RBFOX1: variants seen among roughly 807,000 people sequenced by gnomAD.
The protein encoded by RBFOX1 is RNA binding protein fox-1 homolog 1.
RBFOX1 carries 8 observed loss-of-function variants against 57.7 expected under a neutral mutation model. That is an observed-to-expected ratio of 0.14 (90% CI 0.08 to 0.25). The LOEUF is 0.25. RBFOX1 is among the 10% of genes least tolerant of loss of function. The pLI, the probability that RBFOX1 is intolerant of heterozygous loss-of-function variation, is 1.00. For missense variants in RBFOX1, 611 were observed against 548.5 expected (o/e 1.11, Z -1.14); for synonymous variants, 326 against 222.4 (o/e 1.47, Z -4.15).
intron 3 of RBFOX1, among the ~76,000 whole-genome samples, chr16:6,835,879 C>T (rs529041304): frequency 6.6e-6 from 1 of 152,088 alleles, no homozygotes; most frequent in South Asian, 2.1e-4. Flanking sequence ...CTAGGTGGCT[C>T]CACCTTTATG....
At chr16:7,142,829 A>G (rs889089943) in intron 4 of RBFOX1, among the ~76,000 whole-genome samples, 2 of 152,192 alleles carry the variant, frequency 1.3e-5, no homozygotes, top group Admixed American at 1.3e-4. Flanking sequence ...TGAAAGATAG[A>G]AAGAAAATGG....
intron 4 of RBFOX1, among the ~76,000 whole-genome samples, chr16:7,504,456 CT>C (rs1377166593): frequency 6.6e-6 from 1 of 151,462 alleles, no homozygotes; most frequent in Admixed American, 6.6e-5. Context: ...TACTAAAAGA[CT>C]TTGTCAGAAT....
intron 4 of RBFOX1, among the ~76,000 whole-genome samples, chr16:7,185,936 C>G (rs1005275281): frequency 1.3e-5 from 2 of 152,154 alleles, no homozygotes; most frequent in Non-Finnish European, 2.9e-5. Flanking sequence ...CTTCCTGACC[C>G]TTTCTCCCCG....
chr16:6,494,848 C>T (rs771104669), intron 2 of RBFOX1, among the ~76,000 whole-genome samples: 2 of 152,168 alleles, frequency 1.3e-5, no homozygotes, highest in Non-Finnish European at 2.9e-5. Context: ...ATAAACACGG[C>T]ACTAAATGCA....
intron 3 of RBFOX1, among the ~76,000 whole-genome samples, chr16:5,655,297 G>T (rs1033275059): frequency 6.6e-6 from 1 of 152,168 alleles, no homozygotes; most frequent in Non-Finnish European, 1.5e-5. Context: ...GTGTGGACTT[G>T]ATAGTTTTCA....
At position 7,711,620 on chromosome 16, in the gene RBFOX1, A is replaced by C. The variant is rs1023114730; in HGVS notation, c.*875A>C. 6.6e-6 allele frequency: 1 copy of C among 152,626 alleles called. No individual in the cohort carries two copies. The highest frequency in any genetic ancestry group is 1.9e-4 in the East Asian group (1 of 5,202). 9.5% of individuals were successfully genotyped at this position (152,626 alleles called of 1,614,324 possible). A position where few individuals can be genotyped will look rare whatever the true frequency, so the allele number is the denominator to read the frequency against. On this transcript the variant is annotated 3_prime_UTR_variant, in exon 16 of 16. Transcript: ENST00000550418. ...CTATTTTTTTCTTTTTTTCCAAAAA[A>C]AGAAAGTAATAAAAACTTAAATTCT...
chr16:7,065,511 A>T (rs2346255), intron 4 of RBFOX1, among the ~76,000 whole-genome samples: 102,651 of 151,750 alleles, frequency 0.68, 35,123 homozygotes, highest in South Asian at 0.74. Flanking sequence ...GACCCTTTTT[A>T]ATACCATTTT....
chr16:6,851,574 G>C (rs750750769), intron 3 of RBFOX1, among the ~76,000 whole-genome samples: 3 of 152,054 alleles, frequency 2.0e-5, no homozygotes, highest in Non-Finnish European at 4.4e-5. Flanking sequence ...CTGCCAAATT[G>C]TAAGAGCTTT....
At chr16:6,212,608 G>A (rs1299238462) in intron 1 of RBFOX1, among the ~76,000 whole-genome samples, 1 of 152,156 alleles carries the variant, frequency 6.6e-6, no homozygotes, top group Non-Finnish European at 1.5e-5. Flanking sequence ...TTGGGAGGCT[G>A]AGGCTGGAGA....
chr16:7,146,053 A>T (rs572405467), intron 4 of RBFOX1, among the ~76,000 whole-genome samples: 1 of 152,096 alleles, frequency 6.6e-6, no homozygotes, highest in African/African-American at 2.4e-5. Context: ...CTAACTTCCC[A>T]CTTCTTTTGA....
rs557941211 is a variant in RBFOX1, at chr16:5,817,720, G to A, written c.319-49583G>A. ...CTGTATTTTTTTTTTTTTTTGAGAC[G>A]GAGTCTTGCTGTCACCCAGGCTGGA... On this transcript the variant is annotated intron_variant, in intron 3 of 19. Coordinates refer to the RBFOX1 transcript ENST00000641259. Among the ~76,000 whole-genome samples, 13 of 149,552 alleles carry A rather than the reference G, an allele frequency of 8.7e-5. No individual in the cohort carries two copies. The South Asian group carries it at 1.3e-3, about 15-fold the overall frequency.
chr16:7,513,171 G>T (rs1044366557), intron 4 of RBFOX1, among the ~76,000 whole-genome samples: 1 of 152,252 alleles, frequency 6.6e-6, no homozygotes, highest in East Asian at 1.9e-4. Flanking sequence ...GCTGAGGCAG[G>T]AGAATCACTT....
intron 4 of RBFOX1, among the ~76,000 whole-genome samples, chr16:5,952,963 T>G (rs2059550385): frequency 6.6e-6 from 1 of 152,192 alleles, no homozygotes; most frequent in Non-Finnish European, 1.5e-5. Flanking sequence ...TTACAAGCAC[T>G]TCAGATGTTA....
intron 4 of RBFOX1, among the ~76,000 whole-genome samples, chr16:7,250,841 C>T (rs573583639): frequency 1.3e-5 from 2 of 152,088 alleles, no homozygotes; most frequent in Non-Finnish European, 2.9e-5. Flanking sequence ...TTTTAGGGAA[C>T]TTAGGACACT....
Position 6,054,781 on chromosome 16 carries a change from T to A in RBFOX1, c.-127+34789T>A, listed in dbSNP as rs543827731. Among the ~76,000 whole-genome samples, 335 of 151,356 alleles carry A rather than the reference T, an allele frequency of 2.2e-3. 1 individual carries two copies. Among genetic ancestry groups the A allele is most frequent in the African/African-American group, 4.8e-3 (196 of 40,712 alleles). ...TGTTATGCTATATTGGCTACTTTTT[T>A]TATTATTATTATTATTTTTGAGACA... On this transcript the variant is annotated intron_variant, in intron 1 of 15. Coordinates refer to ENST00000550418, the MANE Select transcript of RBFOX1 (RefSeq NM_018723.4).
chr16:6,838,136 C>T (rs188860398), intron 3 of RBFOX1, among the ~76,000 whole-genome samples: 45 of 152,098 alleles, frequency 3.0e-4, no homozygotes, highest in African/African-American at 1.1e-3. Flanking sequence ...GGTTTAAAGC[C>T]CCACATGCAT....
intron 1 of RBFOX1, among the ~76,000 whole-genome samples, chr16:6,162,849 T>G (rs1361931843): frequency 6.6e-6 from 1 of 152,130 alleles, no homozygotes; most frequent in Non-Finnish European, 1.5e-5. Context: ...TTCTCCTGCT[T>G]CACCCAACCG....
chr16:5,524,252 G>A (rs73514136), intron 2 of RBFOX1, among the ~76,000 whole-genome samples: 6,236 of 152,250 alleles, frequency 0.041, 224 homozygotes, highest in African/African-American at 0.085. Flanking sequence ...ACTCAGGAGA[G>A]TGTGGACATA....
intron 4 of RBFOX1, among the ~76,000 whole-genome samples, chr16:5,872,463 G>C (rs1237245086): frequency 6.6e-6 from 1 of 152,206 alleles, no homozygotes; most frequent in Non-Finnish European, 1.5e-5. Flanking sequence ...GGGCATGGTG[G>C]CTCACACCTG....
Sources: allele counts gnomAD v4.1 joint callset (sites outside exome capture counted in the v4.1 genomes callset), GRCh38; gene constraint gnomAD v4.1.1; transcripts MANE v1.5; gene names NCBI Gene and HGNC (gene_info 2026-07-23, HGNC 2026-07-21).